SRGAP2C: variants seen among roughly 807,000 people sequenced by gnomAD.
SRGAP2C encodes the protein SLIT-ROBO Rho GTPase-activating protein 2C.
Under a neutral mutation model 25.1 loss-of-function variants are expected in SRGAP2C, and 15 were observed. That is an observed-to-expected ratio of 0.60 (90% CI 0.40 to 0.92). The LOEUF is 0.92. Ranked by LOEUF, SRGAP2C falls within the 40% of genes least tolerant of loss-of-function variation. The pLI is 0.00. For synonymous variants in SRGAP2C, 44 were observed against 96.6 expected (o/e 0.46, Z 3.19); for missense variants, 144 against 264.4 (o/e 0.54, Z 3.16).
At chr1:121,305,162 C>A (rs1397180223) in intron 3 of SRGAP2C, among the ~76,000 whole-genome samples, 1 of 151,508 alleles carries the variant, frequency 6.6e-6, no homozygotes. Context: ...CCTTGCCATT[C>A]TCCCTGATCA....
chr1:121,392,385 T>C lies in SRGAP2C; in HGVS notation c.*4530T>C, dbSNP rs1311720230. 1 of 152,168 alleles carries C rather than the reference T, an allele frequency of 6.6e-6. No individual in the cohort carries two copies. The highest frequency in any genetic ancestry group is 1.5e-5 in the Non-Finnish European group (1 of 68,008). The allele number at this position is 152,168 out of a possible 1,614,324, so 9.4% of individuals were successfully genotyped here. On this transcript the variant is annotated 3_prime_UTR_variant, in exon 10 of 10. Coordinates refer to ENST00000367123, the MANE Select transcript of SRGAP2C (RefSeq NM_001329984.2). ...CGCTGTTTCTCTTTCTCCCTTTCTCTTTTTTCTTTTCTTTCAATTTTCTCA... is the reference window on the plus strand; with the variant it reads ...CGCTGTTTCTCTTTCTCCCTTTCTCCTTTTTCTTTTCTTTCAATTTTCTCA...
chr1:121,314,718 G>C (rs1658055178), intron 3 of SRGAP2C, among the ~76,000 whole-genome samples: 1 of 151,246 alleles, frequency 6.6e-6, no homozygotes. Context: ...GCTGGGGGGT[G>C]CCTCCCAGTT....
chr1:121,275,598 A>T (rs1657088443), intron 2 of SRGAP2C, among the ~76,000 whole-genome samples: 1 of 146,396 alleles, frequency 6.8e-6, no homozygotes, highest in Admixed American at 6.9e-5. Flanking sequence ...CTTGCTTTTG[A>T]GTCACTTGAA....
At chr1:121,374,486 G>A (rs1246556567) in intron 6 of SRGAP2C, among the ~76,000 whole-genome samples, 2 of 152,088 alleles carry the variant, frequency 1.3e-5, no homozygotes, top group African/African-American at 4.8e-5. Context: ...GGGGTTGGGG[G>A]TGACTGTAAA....
At chr1:121,230,862 AG>A (rs1230400858) in intron 2 of SRGAP2C, among the ~76,000 whole-genome samples, 1 of 152,062 alleles carries the variant, frequency 6.6e-6, no homozygotes, top group Non-Finnish European at 1.5e-5. Context: ...GCCATAAAAA[AG>A]AATGAGTTCA....
chr1:121,238,229 C>A (rs1255616059), intron 2 of SRGAP2C, among the ~76,000 whole-genome samples: 2 of 149,868 alleles, frequency 1.3e-5, no homozygotes, highest in African/African-American at 4.9e-5. Flanking sequence ...GCATAGCCCC[C>A]ACCCAAGTTG....
chr1:121,295,731 GTTT>G (rs1553338182), intron 3 of SRGAP2C, among the ~76,000 whole-genome samples: 7 of 149,194 alleles, frequency 4.7e-5, no homozygotes, highest in African/African-American at 1.0e-4. Context: ...GGGCTTTTTT[GTTT>G]TTGTTGTTGT....
intron 2 of SRGAP2C, among the ~76,000 whole-genome samples, chr1:121,244,320 G>A: frequency 9.2e-6 from 1 of 108,722 alleles, no homozygotes; most frequent in Non-Finnish European, 1.9e-5. Flanking sequence ...AAAAATAAAT[G>A]TATGAATGGG....
intron 2 of SRGAP2C, among the ~76,000 whole-genome samples, chr1:121,237,660 C>A (rs1340880723): frequency 6.6e-6 from 1 of 152,112 alleles, no homozygotes; most frequent in Non-Finnish European, 1.5e-5. Flanking sequence ...ATTACCCCTA[C>A]CAAGAAGGGG....
chr1:121,222,723 T>A (rs2101450095), intron 2 of SRGAP2C, among the ~76,000 whole-genome samples: 1 of 152,282 alleles, frequency 6.6e-6, no homozygotes, highest in South Asian at 2.1e-4. Context: ...CATAGTTAGG[T>A]ACTAGTGGAG....
chr1:121,196,533 C>T (rs797029663), intron 2 of SRGAP2C, among the ~76,000 whole-genome samples: 4 of 82,924 alleles, frequency 4.8e-5, no homozygotes, highest in Admixed American at 1.1e-4. Flanking sequence ...AGTTGTGTAG[C>T]GCAATGCAAA....
At chr1:121,308,530 C>G (rs1657902105) in intron 3 of SRGAP2C, among the ~76,000 whole-genome samples, 3 of 149,992 alleles carry the variant, frequency 2.0e-5, no homozygotes, top group Admixed American at 1.3e-4. Flanking sequence ...GAGCCTGGCA[C>G]TTTGGGAGGC....
intron 2 of SRGAP2C, among the ~76,000 whole-genome samples, chr1:121,273,941 G>T (rs1474241828): frequency 6.6e-6 from 1 of 151,536 alleles, no homozygotes; most frequent in African/African-American, 2.4e-5. Flanking sequence ...TGAAGGCCCA[G>T]GAACAGCCAT....
intron 2 of SRGAP2C, among the ~76,000 whole-genome samples, chr1:121,233,179 C>T: frequency 7.8e-6 from 1 of 127,592 alleles, no homozygotes; most frequent in Non-Finnish European, 1.7e-5. Context: ...CAGAGTCTTG[C>T]TCTGTCGCCC....
chr1:121,306,736 A>G lies in SRGAP2C; in HGVS notation c.261-17742A>G, dbSNP rs1657850072. Reference sequence around the variant, plus strand: ...TATGGATGGTAACTGAAAGAAAAAAAGAAAAAAACGATTCTCAAAGGGATC... The same window carrying G: ...TATGGATGGTAACTGAAAGAAAAAAGGAAAAAAACGATTCTCAAAGGGATC... On this transcript the variant is annotated intron_variant, in intron 3 of 9. Transcript: ENST00000367123. Among the ~76,000 whole-genome samples, 3 of 151,972 alleles carry G rather than the reference A, an allele frequency of 2.0e-5. No individual in the cohort carries two copies. In the South Asian group the frequency reaches 6.2e-4, roughly 32 times the overall value.
At chr1:121,216,308 T>G (rs1206322553) in intron 2 of SRGAP2C, among the ~76,000 whole-genome samples, 1 of 152,094 alleles carries the variant, frequency 6.6e-6, no homozygotes, top group Non-Finnish European at 1.5e-5. Flanking sequence ...CAATGCTGTC[T>G]CTTCCATTTC....
intron 7 of SRGAP2C, among the ~76,000 whole-genome samples, chr1:121,381,295 T>G (rs1659807573): frequency 9.2e-6 from 1 of 109,188 alleles, no homozygotes. Context: ...TCACTGAGCT[T>G]CTTGTCAGAT....
intron 3 of SRGAP2C, among the ~76,000 whole-genome samples, chr1:121,286,345 C>T (rs1302836146): frequency 6.8e-6 from 1 of 147,394 alleles, no homozygotes; most frequent in African/African-American, 2.5e-5. Flanking sequence ...CTCTTGGGCT[C>T]TAGTGATCCT....
rs587704260 is a variant in SRGAP2C, at chr1:121,199,499, G to A, written c.67+11986G>A. ...GTTCATGATTTTTGCTTATTAATAC[G>A]TTGAAGATCGGCCTGGCTGGGTGGC... On this transcript the variant is annotated intron_variant, in intron 2 of 9. Transcript: ENST00000367123. 8.4e-4 allele frequency among the ~76,000 whole-genome samples: 65 copies of A among 77,140 alleles called. 9 individuals carry two copies. The East Asian group carries it at 0.03, about 36-fold the overall frequency. The allele number at this position is 77,140 out of a possible 152,430, so 50.6% of individuals were successfully genotyped here. A position where few individuals can be genotyped will look rare whatever the true frequency, so the allele number is the denominator to read the frequency against.
Sources: gnomAD v4.1 joint callset for allele counts (sites outside exome capture counted in the v4.1 genomes callset) on GRCh38, gnomAD v4.1.1 for gene constraint, MANE v1.5 for transcripts, NCBI Gene and HGNC (gene_info 2026-07-23, HGNC 2026-07-21) for gene names.